Variants in IPO11 observed in about 807,000 individuals in gnomAD.
IPO11 encodes importin-11.
IPO11 carries 66 observed loss-of-function variants against 143.2 expected under a neutral mutation model. That is an observed-to-expected ratio of 0.46 (90% confidence interval 0.38 to 0.57). The LOEUF is 0.57. Ranked by LOEUF, IPO11 falls within the 20% of genes least tolerant of loss-of-function variation. IPO11 has a pLI of 0.00. For synonymous variants in IPO11, 385 were observed against 377.8 expected (o/e 1.02, Z -0.22); for missense variants, 1,026 against 1,141.0 (o/e 0.90, Z 1.45).
intron 6 of IPO11, among the ~76,000 whole-genome samples, 184 bp from the exon 7 acceptor site, chr5:62,470,066 T>C (rs896040738): frequency 1.3e-5 from 2 of 152,156 alleles, no homozygotes; most frequent in African/African-American, 4.8e-5. Flanking sequence ...CATTTGTGAG[T>C]TAGAAGAACT....
intron 1 of IPO11, among the ~76,000 whole-genome samples, chr5:62,436,869 A>T (rs1744262432): frequency 6.6e-6 from 1 of 152,166 alleles, no homozygotes; most frequent in African/African-American, 2.4e-5. Flanking sequence ...GTTAGGTGTT[A>T]CTTACTGTAT....
At position 62,506,274 on chromosome 5, in the gene IPO11, T is replaced by A; in HGVS notation, c.1699T>A (p.Leu567Ile). 1.2e-6 allele frequency: 2 copies of A among 1,610,416 alleles called. No individual in the cohort carries two copies. Among genetic ancestry groups the A allele is most frequent in the Non-Finnish European group, 1.7e-6 (2 of 1,177,944 alleles). The change falls in exon 19 of 30, where the codon TTA (leucine) becomes ATA (isoleucine). Residue 567 changes from leucine (L) to isoleucine (I), a missense_variant. By Grantham distance (5) the Leu-to-Ile change is conservative. Coordinates refer to ENST00000325324, the MANE Select transcript of IPO11 (RefSeq NM_016338.5). ...AACCATGTTCACACTACTTTTTCAG[T>A]TACTGCAGCAAGTTACAGAATGTGA... ...LETMFTLLFQ[L>I]LQQVTECDTK...
intron 20 of IPO11, among the ~76,000 whole-genome samples, chr5:62,518,755 G>A (rs1416884070): frequency 6.6e-6 from 1 of 152,052 alleles, no homozygotes; most frequent in East Asian, 1.9e-4. Context: ...CCAGATTCTG[G>A]TAGTCTTTGA....
intron 14 of IPO11, 23 bp from the exon 15 acceptor site, chr5:62,490,088 ATTTT>A (rs756695610): frequency 7.0e-7 from 1 of 1,429,976 alleles, no homozygotes; most frequent in Non-Finnish European, 9.5e-7. Flanking sequence ...GAAACCTTTA[ATTTT>A]TTTTCTTAAA....
intron 22 of IPO11, among the ~76,000 whole-genome samples, chr5:62,536,414 T>TATTCATTCATTC (rs33998415): frequency 2.4e-4 from 30 of 125,894 alleles, no homozygotes; most frequent in African/African-American, 9.5e-4. Flanking sequence ...TTGATACCAG[T>TATTCATTCATTC]ATTCATTCAT....
intron 16 of IPO11, 64 bp downstream of exon 16, chr5:62,494,188 T>A (rs981012339): frequency 1.9e-5 from 27 of 1,421,350 alleles, no homozygotes; most frequent in Non-Finnish European, 2.5e-5. Context: ...AATCATCAAG[T>A]TCACAACAGT....
At chr5:62,593,257 A>G (rs900710436) in intron 28 of IPO11, among the ~76,000 whole-genome samples, 4 of 152,192 alleles carry the variant, frequency 2.6e-5, no homozygotes, top group Non-Finnish European at 5.9e-5. Context: ...CAAAATTATA[A>G]CATGTTTTAA....
At chr5:62,539,751 A>T (rs1480802317) in intron 24 of IPO11, among the ~76,000 whole-genome samples, 1 of 152,248 alleles carries the variant, frequency 6.6e-6, no homozygotes, top group African/African-American at 2.4e-5. Context: ...AAATGCCTTT[A>T]TGAATTTTTA....
chr5:62,480,701 T>A (rs1746162312), intron 9 of IPO11, among the ~76,000 whole-genome samples: 1 of 152,174 alleles, frequency 6.6e-6, no homozygotes, highest in Admixed American at 6.5e-5. Context: ...TTTGTAGCAG[T>A]TGTGAATGGG....
At chr5:62,547,522 A>AAG (rs1743245900) in intron 24 of IPO11, among the ~76,000 whole-genome samples, 1 of 152,130 alleles carries the variant, frequency 6.6e-6, no homozygotes, top group Non-Finnish European at 1.5e-5. Flanking sequence ...ATTCTGTCCC[A>AAG]TACCCTCTGC....
chr5:62,576,158 G>C (rs974965651), intron 27 of IPO11: 1 of 156,080 alleles, frequency 6.4e-6, no homozygotes. Context: ...ATAGAATTCA[G>C]TTTCATCTTG....
chr5:62,528,117 T>A (rs893716109), intron 21 of IPO11, among the ~76,000 whole-genome samples: 2 of 152,186 alleles, frequency 1.3e-5, no homozygotes, highest in Non-Finnish European at 2.9e-5. Context: ...CAGGGCAGAA[T>A]TCTAATGAAC....
intron 6 of IPO11, among the ~76,000 whole-genome samples, chr5:62,467,709 A>G (rs1250210864): frequency 6.6e-6 from 1 of 152,036 alleles, no homozygotes; most frequent in East Asian, 1.9e-4. Context: ...GCTCACTTGG[A>G]TTTCAGAAGG....
At chr5:62,536,681 T>C in intron 22 of IPO11, 21 bp from the exon 23 acceptor site, 2 of 1,573,188 alleles carry the variant, frequency 1.3e-6, no homozygotes, top group Non-Finnish European at 8.6e-7. Flanking sequence ...GTTTTTTGTT[T>C]GACATTTATT....
chr5:62,587,470 CTA>C (rs1744839174), intron 27 of IPO11, among the ~76,000 whole-genome samples: 1 of 151,504 alleles, frequency 6.6e-6, no homozygotes, highest in Non-Finnish European at 1.5e-5. Context: ...TGGAAAATAT[CTA>C]TAGGGGAAAA....
intron 18 of IPO11, among the ~76,000 whole-genome samples, chr5:62,505,734 A>AT (rs1337794449): frequency 6.6e-6 from 1 of 152,112 alleles, no homozygotes; most frequent in Non-Finnish European, 1.5e-5. Context: ...CTATTCTGCC[A>AT]TTTTTAGAAT....
chr5:62,438,380 CT>C (rs1259843063), intron 2 of IPO11, among the ~76,000 whole-genome samples: 1 of 151,926 alleles, frequency 6.6e-6, no homozygotes, highest in Non-Finnish European at 1.5e-5. Flanking sequence ...TTAAAAGATA[CT>C]AAAGAAAACA....
At chr5:62,432,245 G>C (rs541106730) in intron 1 of IPO11, among the ~76,000 whole-genome samples, 1 of 152,166 alleles carries the variant, frequency 6.6e-6, no homozygotes, top group East Asian at 1.9e-4. Flanking sequence ...TGTTGTGGAC[G>C]TGATAGAGGC....
rs934590791 is a variant in IPO11, at chr5:62,543,742, T to A, written c.2250+6453T>A. Among the ~76,000 whole-genome samples the A allele has an allele frequency of 5.3e-5, 8 of 152,200 alleles. 1 individual carries two copies. Among genetic ancestry groups the A allele is most frequent in the Non-Finnish European group, 1.0e-4 (7 of 68,026 alleles). The stretch of plus-strand genomic sequence containing the variant: ...CCTTCTGCTAGCTTTTGAATGTGTT[T>A]GCTCTTGCTTCTCTAGTTCTTTTAA... On this transcript the variant is annotated intron_variant, in intron 24 of 29. Coordinates refer to ENST00000325324, the MANE Select transcript of IPO11 (RefSeq NM_016338.5).
Sources: allele counts gnomAD v4.1 joint callset (sites outside exome capture counted in the v4.1 genomes callset), GRCh38; gene constraint gnomAD v4.1.1; transcripts MANE v1.5; gene names NCBI Gene and HGNC (gene_info 2026-07-23, HGNC 2026-07-21).